MS4A6E: variants seen among roughly 807,000 people sequenced by gnomAD.
MS4A6E encodes membrane spanning 4-domains A6E.
In MS4A6E, 8 loss-of-function variants were observed where a neutral mutation model predicts 13.2. The ratio of observed to expected loss-of-function variants is 0.60; its 90% CI spans 0.35 to 1.09. MS4A6E has a LOEUF of 1.09. Among genes scored for constraint, MS4A6E ranks in the 50% least tolerant of loss-of-function variants. The pLI, the probability that MS4A6E is intolerant of heterozygous loss-of-function variation, is 0.02. For missense variants in MS4A6E, 177 were observed against 171.1 expected, an observed-to-expected ratio of 1.03 and a Z score of -0.19; for synonymous variants, 72 against 67.6, an observed-to-expected ratio of 1.06 and a Z score of -0.32.
chr11:60,338,284 G>A (rs550025244), intron 3 of MS4A6E, among the ~76,000 whole-genome samples: 4 of 152,170 alleles, frequency 2.6e-5, no homozygotes, highest in Non-Finnish European at 5.9e-5. Flanking sequence ...AATTCAGATT[G>A]GCAAACAGAG....
At chr11:60,337,453 C>T (rs1476060163) in intron 2 of MS4A6E, among the ~76,000 whole-genome samples, 1 of 152,016 alleles carries the variant, frequency 6.6e-6, no homozygotes, top group Non-Finnish European at 1.5e-5. Flanking sequence ...CCTCGTGGGC[C>T]CTGCTATCTG....
intron 1 of MS4A6E, among the ~76,000 whole-genome samples, chr11:60,334,167 A>G (rs1280451142): frequency 6.6e-6 from 1 of 152,188 alleles, no homozygotes; most frequent in Non-Finnish European, 1.5e-5. Flanking sequence ...GGCCTCTGAG[A>G]ACAAAGGCAA....
downstream of MS4A6E, among the ~76,000 whole-genome samples, chr11:60,345,347 C>T (rs573216629): frequency 6.6e-6 from 1 of 152,274 alleles, no homozygotes; most frequent in East Asian, 1.9e-4. Context: ...ATATTACCTA[C>T]CTTTATTTTG....
chr11:60,346,070 C>G (rs7126883), downstream of MS4A6E, among the ~76,000 whole-genome samples: 46,837 of 151,832 alleles, frequency 0.31, 7,759 homozygotes, highest in African/African-American at 0.44. Flanking sequence ...GAGGTTTGAG[C>G]CCCAGGAACC....
At chr11:60,330,874 A>G (rs2085151215) in intron 1 of MS4A6E, among the ~76,000 whole-genome samples, 1 of 152,176 alleles carries the variant, frequency 6.6e-6, no homozygotes, top group African/African-American at 2.4e-5. Flanking sequence ...TAAATATGGA[A>G]CACTTTCCCG....
intron 1 of MS4A6E, among the ~76,000 whole-genome samples, chr11:60,333,347 G>C (rs1218509734): frequency 1.3e-5 from 2 of 152,196 alleles, no homozygotes; most frequent in African/African-American, 2.4e-5. Flanking sequence ...ATATAGTAAT[G>C]GAGGAAGGAA....
At chr11:60,330,445 C>G (rs1239118239) in intron 1 of MS4A6E, among the ~76,000 whole-genome samples, 5 of 135,408 alleles carry the variant, frequency 3.7e-5, no homozygotes, top group African/African-American at 1.4e-4. Context: ...GGGTTCACAC[C>G]ATTCTCCTGC....
chr11:60,347,977 AAAGTGT>A (rs1380322821), intron 4 of MS4A6E, among the ~76,000 whole-genome samples: 9 of 152,178 alleles, frequency 5.9e-5, no homozygotes, highest in Admixed American at 3.9e-4. Flanking sequence ...GGCCCATGCT[AAAGTGT>A]TTACCCTTAG....
chr11:60,346,585 G>A (rs1441633991), intron 4 of MS4A6E, among the ~76,000 whole-genome samples: 2 of 152,124 alleles, frequency 1.3e-5, no homozygotes, highest in African/African-American at 4.8e-5. Flanking sequence ...CTGGCTTTTG[G>A]TCTATCATGG....
downstream of MS4A6E, among the ~76,000 whole-genome samples, chr11:60,345,876 TATTAG>T (rs1338983098): frequency 1.3e-5 from 2 of 151,912 alleles, no homozygotes; most frequent in Admixed American, 6.6e-5. Context: ...TTGAGAAAAA[TATTAG>T]ATTAGAATTT....
chr11:60,330,347 T>G (rs533086133), intron 1 of MS4A6E, among the ~76,000 whole-genome samples: 1 of 124,832 alleles, frequency 8.0e-6, no homozygotes, highest in Non-Finnish European at 1.6e-5. Context: ...TTTTTTTTTT[T>G]TTTTTTTTTT....
intron 1 of MS4A6E, among the ~76,000 whole-genome samples, chr11:60,330,945 C>T (rs12282283): frequency 0.018 from 2,695 of 152,224 alleles, 71 homozygotes; most frequent in African/African-American, 0.061. Context: ...GGTGTTATTT[C>T]TGAGGACTCT....
chr11:60,332,123 T>C (rs947144877), intron 1 of MS4A6E, among the ~76,000 whole-genome samples: 3 of 152,200 alleles, frequency 2.0e-5, no homozygotes, highest in African/African-American at 7.2e-5. Context: ...ACTTCATAAC[T>C]AAAAAGGAAT....
downstream of MS4A6E, among the ~76,000 whole-genome samples, chr11:60,344,517 A>G (rs191862661): frequency 2.5e-3 from 386 of 152,314 alleles, 2 homozygotes; most frequent in Non-Finnish European, 4.3e-3. Flanking sequence ...CACATTGATG[A>G]GTTTTATCCT....
At chr11:60,332,042 G>C (rs187178629) in intron 1 of MS4A6E, among the ~76,000 whole-genome samples, 28 of 152,272 alleles carry the variant, frequency 1.8e-4, no homozygotes, top group African/African-American at 4.8e-4. Context: ...TGGTATTTTT[G>C]TTATAACAGT....
At chr11:60,328,861 T>C (rs892654018) in intron 1 of MS4A6E, among the ~76,000 whole-genome samples, 1 of 152,308 alleles carries the variant, frequency 6.6e-6, no homozygotes, top group Middle Eastern at 3.4e-3. Flanking sequence ...AGTTCTAATG[T>C]ACAGTACAAA....
intron 1 of MS4A6E, among the ~76,000 whole-genome samples, chr11:60,330,492 C>T (rs574158817): frequency 8.7e-4 from 132 of 151,720 alleles, no homozygotes; most frequent in African/African-American, 3.1e-3. Flanking sequence ...AGGCACCCAC[C>T]ACCACGCCCA....
chr11:60,343,030 G>A (rs1311325422), downstream of MS4A6E, among the ~76,000 whole-genome samples: 1 of 152,134 alleles, frequency 6.6e-6, no homozygotes, highest in Non-Finnish European at 1.5e-5. Context: ...GGCATCTAGT[G>A]GGGACAGCAG....
intron 4 of MS4A6E, 77 bp downstream of exon 4, chr11:60,340,041 A>C (rs1364526988): frequency 5.0e-6 from 8 of 1,584,910 alleles, no homozygotes; most frequent in Non-Finnish European, 6.9e-6. Flanking sequence ...TGTCACCAAG[A>C]GTGGTAGAAG....
Sources: gnomAD v4.1 joint callset for allele counts (sites outside exome capture counted in the v4.1 genomes callset) on GRCh38, gnomAD v4.1.1 for gene constraint, MANE v1.5 for transcripts, NCBI Gene and HGNC (gene_info 2026-07-23, HGNC 2026-07-21) for gene names.